B3GLCT: variants seen among roughly 807,000 people sequenced by gnomAD.
B3GLCT encodes the protein beta-1,3-glucosyltransferase.
B3GLCT carries 65 observed loss-of-function variants against 63.4 expected under a neutral mutation model. That is an observed-to-expected ratio of 1.03 (90% confidence interval 0.84 to 1.26). B3GLCT has a LOEUF of 1.26. B3GLCT is among the 50% of genes most tolerant of loss of function. The pLI is 0.00. For synonymous variants in B3GLCT, 233 were observed against 219.2 expected (o/e 1.06, Z -0.55); for missense variants, 577 against 604.8 (o/e 0.95, Z 0.48).
intron 3 of B3GLCT, among the ~76,000 whole-genome samples, chr13:31,228,178 G>A (rs1458110960): frequency 1.3e-5 from 2 of 150,910 alleles, no homozygotes; most frequent in Non-Finnish European, 2.9e-5. Flanking sequence ...CTTTATGCAG[G>A]ACTTCACGCT....
chr13:31,246,434 T>A (rs1385551330), intron 4 of B3GLCT, among the ~76,000 whole-genome samples: 1 of 152,236 alleles, frequency 6.6e-6, no homozygotes, highest in African/African-American at 2.4e-5. Context: ...TCAATTCCAT[T>A]ATTATGCTAT....
At chr13:31,245,886 G>A (rs1871176324) in intron 4 of B3GLCT, among the ~76,000 whole-genome samples, 1 of 152,016 alleles carries the variant, frequency 6.6e-6, no homozygotes, top group Admixed American at 6.6e-5. Flanking sequence ...TCAGCCTTAA[G>A]GTTTGCTCTT....
At chr13:31,317,079 C>CGG (rs1405340233) in intron 12 of B3GLCT, among the ~76,000 whole-genome samples, 5 of 152,232 alleles carry the variant, frequency 3.3e-5, no homozygotes, top group Non-Finnish European at 7.3e-5. Flanking sequence ...TTCTCTTCCC[C>CGG]ACCTGCCAGC....
intron 12 of B3GLCT, among the ~76,000 whole-genome samples, chr13:31,308,347 T>TAAAAAAAAA (rs1169835730): frequency 1.4e-3 from 32 of 23,650 alleles, no homozygotes; most frequent in South Asian, 4.5e-3. Flanking sequence ...AAAAAAAAAT[T>TAAAAAAAAA]AAAAAAAAAA....
At chr13:31,226,399 A>G (rs984656783) in intron 3 of B3GLCT, among the ~76,000 whole-genome samples, 1 of 152,218 alleles carries the variant, frequency 6.6e-6, no homozygotes, top group Admixed American at 6.5e-5. Context: ...CTTAGTGGCT[A>G]TGTTAAAAAG....
At chr13:31,226,610 T>C (rs893299992) in intron 3 of B3GLCT, among the ~76,000 whole-genome samples, 4 of 151,756 alleles carry the variant, frequency 2.6e-5, no homozygotes, top group African/African-American at 9.7e-5. Context: ...TTATTTTTAT[T>C]TTTTTTTAGA....
intron 8 of B3GLCT, among the ~76,000 whole-genome samples, chr13:31,273,258 C>T (rs1052580181): frequency 1.4e-4 from 21 of 152,062 alleles, no homozygotes; most frequent in African/African-American, 4.3e-4. Context: ...CCACGACCAG[C>T]TAATTTTTGT....
chr13:31,272,248 C>T (rs1156393895), intron 8 of B3GLCT, among the ~76,000 whole-genome samples: 1 of 137,118 alleles, frequency 7.3e-6, no homozygotes, highest in African/African-American at 2.7e-5. Flanking sequence ...CAGAGTCTTG[C>T]TGTGTCACCC....
chr13:31,267,228 A>G (rs923498034), intron 7 of B3GLCT, among the ~76,000 whole-genome samples: 1 of 152,260 alleles, frequency 6.6e-6, no homozygotes, highest in Admixed American at 6.5e-5. Flanking sequence ...GAAGGGGCCT[A>G]TGAAACATTG....
At chr13:31,238,493 T>C (rs969432219) in intron 4 of B3GLCT, among the ~76,000 whole-genome samples, 1 of 152,226 alleles carries the variant, frequency 6.6e-6, no homozygotes, top group Non-Finnish European at 1.5e-5. Flanking sequence ...CAGGTTCTAT[T>C]CTATGTGCAG....
At chr13:31,216,906 G>T (rs776810352) in intron 2 of B3GLCT, among the ~76,000 whole-genome samples, 11 of 152,178 alleles carry the variant, frequency 7.2e-5, no homozygotes, top group Non-Finnish European at 1.6e-4. Flanking sequence ...GTGCTGTGAT[G>T]AATATATGTG....
At chr13:31,271,756 T>C (rs1436338349) in intron 8 of B3GLCT, among the ~76,000 whole-genome samples, 1 of 152,224 alleles carries the variant, frequency 6.6e-6, no homozygotes, top group African/African-American at 2.4e-5. Context: ...ACTTTTGTTT[T>C]GTCTGCTTAT....
intron 12 of B3GLCT, among the ~76,000 whole-genome samples, chr13:31,297,343 TCCA>T (rs1288019436): frequency 6.6e-6 from 1 of 151,384 alleles, no homozygotes; most frequent in East Asian, 1.9e-4. Flanking sequence ...TTCCAGTTTC[TCCA>T]CATCCTTGTC....
At chr13:31,311,776 A>C (rs779271562) in intron 12 of B3GLCT, 2 of 152,224 alleles carry the variant, frequency 1.3e-5, no homozygotes, top group East Asian at 3.8e-4. Flanking sequence ...CATGAGCTAC[A>C]TGGAGTTCCC....
chr13:31,313,828 TC>T (rs1045664495), intron 12 of B3GLCT, among the ~76,000 whole-genome samples: 4 of 152,090 alleles, frequency 2.6e-5, no homozygotes, highest in African/African-American at 7.2e-5. Flanking sequence ...CTCCCCTACC[TC>T]CGCATCACAG....
chr13:31,244,123 A>G (rs753100085), intron 4 of B3GLCT, among the ~76,000 whole-genome samples: 1 of 152,222 alleles, frequency 6.6e-6, no homozygotes, highest in African/African-American at 2.4e-5. Context: ...ATGTTGATAT[A>G]ACATTTTCTT....
At position 31,251,085 on chromosome 13, in the gene B3GLCT, G is replaced by T. The variant is rs116181043; in HGVS notation, c.459+3119G>T. ...ACCCAGGCAAACAGGATCTGGAACG[G>T]ATCTCCAGCAAACTCCAGCAGACCT... On this transcript the variant is annotated intron_variant, in intron 6 of 14. Transcript: ENST00000343307. Among the ~76,000 whole-genome samples, 976 of 152,298 alleles carry T rather than the reference G, an allele frequency of 6.4e-3. 12 individuals carry two copies. The highest frequency in any genetic ancestry group is 0.023 in the African/African-American group (936 of 41,570).
intron 3 of B3GLCT, among the ~76,000 whole-genome samples, chr13:31,223,875 C>T (rs1376035428): frequency 2.6e-5 from 4 of 152,154 alleles, no homozygotes; most frequent in Non-Finnish European, 5.9e-5. Flanking sequence ...GGGGTTGGCT[C>T]ACCTCCAGTT....
intron 11 of B3GLCT, 62 bp downstream of exon 11, chr13:31,284,823 T>C (rs1873243200): frequency 2.0e-6 from 2 of 981,006 alleles, no homozygotes; most frequent in South Asian, 2.6e-5. Context: ...TACAGTAAAT[T>C]AGGTTAGGAT....
Sources: allele counts gnomAD v4.1 joint callset (sites outside exome capture counted in the v4.1 genomes callset), GRCh38; gene constraint gnomAD v4.1.1; transcripts MANE v1.5; gene names NCBI Gene and HGNC (gene_info 2026-07-23, HGNC 2026-07-21).